SRGAP2C: variants seen among roughly 807,000 people sequenced by gnomAD.
The protein encoded by SRGAP2C is SLIT-ROBO Rho GTPase activating protein 2C.
A neutral mutation model predicts 25.1 loss-of-function variants in SRGAP2C; 15 were observed. The observed-to-expected ratio is 0.60, with a 90% CI of 0.40 to 0.92. The LOEUF (loss-of-function observed/expected upper bound fraction) is 0.92. Among genes scored for constraint, SRGAP2C ranks in the 40% least tolerant of loss-of-function variants. SRGAP2C has a pLI of 0.00. For synonymous variants in SRGAP2C, 44 were observed against 96.6 expected (o/e 0.46, Z 3.19); for missense variants, 144 against 264.4 (o/e 0.54, Z 3.16).
At chr1:121,345,863 C>T (rs1371693905) in intron 4 of SRGAP2C, among the ~76,000 whole-genome samples, 2 of 140,728 alleles carry the variant, frequency 1.4e-5, no homozygotes, top group African/African-American at 2.6e-5. Flanking sequence ...GTTGGCCAGG[C>T]TAGTCTCGAA....
intron 2 of SRGAP2C, among the ~76,000 whole-genome samples, chr1:121,232,641 C>T (rs1655848347): frequency 6.6e-6 from 1 of 150,974 alleles, no homozygotes; most frequent in Admixed American, 6.6e-5. Flanking sequence ...GAAGCAAAGG[C>T]TCTGCACTTT....
At chr1:121,343,422 A>T (rs1658676036) in intron 4 of SRGAP2C, among the ~76,000 whole-genome samples, 1 of 151,506 alleles carries the variant, frequency 6.6e-6, no homozygotes, top group African/African-American at 2.4e-5. Flanking sequence ...GAAGATTAAA[A>T]AGGCTGTTGT....
At chr1:121,354,993 C>T (rs1358820113) in intron 4 of SRGAP2C, among the ~76,000 whole-genome samples, 21 of 58,616 alleles carry the variant, frequency 3.6e-4, no homozygotes, top group African/African-American at 1.1e-3. Context: ...GCCGAGATGG[C>T]GCCACTGCAC....
intron 2 of SRGAP2C, among the ~76,000 whole-genome samples, chr1:121,207,723 TA>T (rs1450314564): frequency 3.1e-4 from 47 of 152,258 alleles, no homozygotes; most frequent in African/African-American, 1.1e-3. Flanking sequence ...CAGTTGAACT[TA>T]ATGTATTCTA....
intron 3 of SRGAP2C, among the ~76,000 whole-genome samples, chr1:121,321,015 C>A (rs1262748437): frequency 1.3e-5 from 2 of 151,926 alleles, no homozygotes; most frequent in Non-Finnish European, 2.9e-5. Context: ...CACACACAGG[C>A]GTGAATGAAA....
rs1217255356 is a variant in SRGAP2C at position 121,391,622 on chromosome 1, AAC to A, written c.*3769_*3770del. On this transcript the variant is annotated 3_prime_UTR_variant, in exon 10 of 10. Transcript: ENST00000367123. The stretch of plus-strand genomic sequence containing the variant: ...TTCGGTGACCACACCTTATAAACCA[AAC>A]AGTTTTGTAAATCACTTTGGAAAAT... 1 of 152,298 alleles carries A rather than the reference AAC, an allele frequency of 6.6e-6. No homozygotes were observed. The highest frequency in any genetic ancestry group is 1.5e-5 in the Non-Finnish European group (1 of 68,052). 9.4% of individuals were successfully genotyped at this position (152,298 alleles called of 1,614,324 possible).
At position 121,223,942 on chromosome 1, in the gene SRGAP2C, A is replaced by T. The variant is rs1378569545; in HGVS notation, c.67+36429A>T. Among the ~76,000 whole-genome samples the T allele has an allele frequency of 2.1e-5, 3 of 140,836 alleles. No individual in the cohort carries two copies. In the East Asian group the frequency reaches 6.5e-4, roughly 31 times the overall value. The allele number at this position is 140,836 out of a possible 152,430, so 92.4% of individuals were successfully genotyped here. The stretch of plus-strand genomic sequence containing the variant: ...TAATTAATAGTCTGGTCTAAAATAT[A>T]AAAACCTCAAAGTTATTAATGGAAA... On this transcript the variant is annotated intron_variant, in intron 2 of 9. Transcript: ENST00000367123.
intron 2 of SRGAP2C, among the ~76,000 whole-genome samples, chr1:121,222,380 C>T (rs1383765768): frequency 6.6e-6 from 1 of 152,040 alleles, no homozygotes; most frequent in African/African-American, 2.4e-5. Context: ...TGTAATCCCA[C>T]CACTTTGGGA....
intron 7 of SRGAP2C, among the ~76,000 whole-genome samples, chr1:121,375,915 G>A (rs1659633439): frequency 1.3e-5 from 2 of 151,236 alleles, no homozygotes; most frequent in Admixed American, 6.6e-5. Context: ...CCTGACATCT[G>A]GCCCATTTTT....
At chr1:121,258,465 CTTTT>C (rs1205329141) in intron 2 of SRGAP2C, among the ~76,000 whole-genome samples, 1 of 125,736 alleles carries the variant, frequency 8.0e-6, no homozygotes, top group Non-Finnish European at 1.6e-5. Flanking sequence ...ATCTATCACT[CTTTT>C]TTTTTTTTTT....
At chr1:121,232,773 C>T (rs1275357891) in intron 2 of SRGAP2C, among the ~76,000 whole-genome samples, 1 of 152,086 alleles carries the variant, frequency 6.6e-6, no homozygotes, top group Non-Finnish European at 1.5e-5. Flanking sequence ...AGCTACACCA[C>T]CTGGAGAGCT....
intron 3 of SRGAP2C, among the ~76,000 whole-genome samples, chr1:121,322,778 A>C (rs1401506757): frequency 1.3e-5 from 2 of 151,226 alleles, no homozygotes; most frequent in Non-Finnish European, 3.0e-5. Context: ...CTACTATAGA[A>C]TTGGAAAAGC....
intron 2 of SRGAP2C, among the ~76,000 whole-genome samples, chr1:121,208,807 T>G (rs1553322979): frequency 6.6e-6 from 1 of 152,248 alleles, no homozygotes; most frequent in Non-Finnish European, 1.5e-5. Flanking sequence ...CCTTGCATTT[T>G]TATTCGGTTA....
chr1:121,261,185 C>T (rs1485065004), intron 2 of SRGAP2C, among the ~76,000 whole-genome samples: 1 of 47,500 alleles, frequency 2.1e-5, no homozygotes, highest in Admixed American at 3.8e-4. Context: ...TCAAGTGATG[C>T]TCCTGCCTCA....
intron 2 of SRGAP2C, among the ~76,000 whole-genome samples, chr1:121,217,222 C>T (rs1655410684): frequency 6.6e-6 from 1 of 151,846 alleles, no homozygotes. Context: ...CCTCCTCATC[C>T]TCTCATTGAG....
At chr1:121,367,173 A>C (rs1309809522) in intron 5 of SRGAP2C, among the ~76,000 whole-genome samples, 4 of 151,994 alleles carry the variant, frequency 2.6e-5, no homozygotes, top group South Asian at 2.1e-4. Flanking sequence ...ATCCCCTGCC[A>C]TAAGGTGAGC....
At position 121,307,576 on chromosome 1, in the gene SRGAP2C, TCA is replaced by T. The variant is rs1356237427; in HGVS notation, c.261-16898_261-16897del. On this transcript the variant is annotated intron_variant, in intron 3 of 9. Coordinates refer to ENST00000367123, the MANE Select transcript of SRGAP2C (RefSeq NM_001329984.2). ...CAAGGTGATTTGGGGTCTTGAAGCC[TCA>T]CACTTACAGAAACTGCTCTCTTTTG... Among the ~76,000 whole-genome samples, 21 of 137,574 alleles carry T rather than the reference TCA, an allele frequency of 1.5e-4. 1 individual carries two copies. Among genetic ancestry groups the T allele is most frequent in the Admixed American group, 1.4e-3 (18 of 13,192 alleles). 90.3% of individuals were successfully genotyped at this position (137,574 alleles called of 152,430 possible). A position where few individuals can be genotyped will look rare whatever the true frequency, so the allele number is the denominator to read the frequency against.
intron 4 of SRGAP2C, among the ~76,000 whole-genome samples, chr1:121,362,474 G>GT (rs1325265867): frequency 8.1e-4 from 122 of 151,452 alleles, no homozygotes; most frequent in African/African-American, 2.4e-3. Flanking sequence ...CTTAATTGCT[G>GT]TTTTTTTTGG....
Position 121,274,999 on chromosome 1 carries a change from C to A in SRGAP2C, c.68-9804C>A, listed in dbSNP as rs1337097460. On this transcript the variant is annotated intron_variant, in intron 2 of 9. Transcript: ENST00000367123. ...AGCCTCTTTGACTTTGCTTTGCTAA[C>A]TACAGCCCTTCATCTGTCATCCCCC... is the stretch of plus-strand genomic sequence containing the variant. Among the ~76,000 whole-genome samples the A allele has an allele frequency of 2.6e-5, 4 of 151,424 alleles. No individual in the cohort carries two copies. The Admixed American group carries it at 2.6e-4, about 10-fold the overall frequency.
Sources: allele counts gnomAD v4.1 joint callset (sites outside exome capture counted in the v4.1 genomes callset), GRCh38; gene constraint gnomAD v4.1.1; transcripts MANE v1.5; gene names NCBI Gene and HGNC (gene_info 2026-07-23, HGNC 2026-07-21).